TXNDC12: variants seen among roughly 807,000 people sequenced by gnomAD.
TXNDC12 encodes thioredoxin domain-containing protein 12.
A neutral mutation model predicts 24.2 loss-of-function variants in TXNDC12; 22 were observed. The ratio of observed to expected loss-of-function variants is 0.91; its 90% CI spans 0.65 to 1.30. The LOEUF (loss-of-function observed/expected upper bound fraction) is 1.30. TXNDC12 is among the 50% of genes most tolerant of loss of function. TXNDC12 has a pLI of 0.00. For missense variants in TXNDC12, 184 were observed against 205.8 expected (o/e 0.89, Z 0.65); for synonymous variants, 58 against 73.4 (o/e 0.79, Z 1.07).
At chr1:52,051,467 C>T (rs1169916888) in intron 1 of TXNDC12, among the ~76,000 whole-genome samples, 1 of 152,172 alleles carries the variant, frequency 6.6e-6, no homozygotes, top group Non-Finnish European at 1.5e-5. Flanking sequence ...CCTCCGCCTC[C>T]CAGGTTCAAG....
intron 2 of TXNDC12, among the ~76,000 whole-genome samples, chr1:52,039,521 G>A (rs1685947396): frequency 6.6e-6 from 1 of 152,100 alleles, no homozygotes. Flanking sequence ...AGTAGAGACA[G>A]GGTTTCACCA....
intron 1 of TXNDC12, among the ~76,000 whole-genome samples, chr1:52,051,565 G>A (rs1440573449): frequency 6.6e-6 from 1 of 152,128 alleles, no homozygotes; most frequent in African/African-American, 2.4e-5. Flanking sequence ...TTTTAGTAGA[G>A]ATGGGGTTTC....
At chr1:52,031,403 C>G (rs575868300) in intron 2 of TXNDC12, among the ~76,000 whole-genome samples, 16 of 152,144 alleles carry the variant, frequency 1.1e-4, no homozygotes, top group Admixed American at 1.0e-3. Flanking sequence ...TGTGATCCAC[C>G]CGCCTTGGGC....
At chr1:52,034,088 TA>T (rs1198376057) in intron 2 of TXNDC12, 1 of 1,266,806 alleles carries the variant, frequency 7.9e-7, no homozygotes, top group Non-Finnish European at 9.9e-7. Context: ...ATCAGCACTA[TA>T]TTTAGCATAT....
In TXNDC12 at chr1:52,055,155, C is replaced by T; in HGVS notation, c.-59G>A. The T allele has an allele frequency of 2.4e-6, 3 of 1,233,338 alleles. No homozygotes were observed. The highest frequency in any genetic ancestry group is 3.6e-6 in the Non-Finnish European group (3 of 836,688). 76.4% of individuals were successfully genotyped at this position (1,233,338 alleles called of 1,614,324 possible). A position where few individuals can be genotyped will look rare whatever the true frequency, so the allele number is the denominator to read the frequency against. ...GACGCAGGGCCGGAGTCCCAGCAGACGGTCCACACAGTTCGCCGAGCGCCG... is the reference window on the plus strand; with the variant it reads ...GACGCAGGGCCGGAGTCCCAGCAGATGGTCCACACAGTTCGCCGAGCGCCG... On this transcript the variant is annotated 5_prime_UTR_variant, in exon 1 of 7. Transcript: ENST00000371626.
At chr1:52,037,848 GT>G (rs927470252) in intron 2 of TXNDC12, among the ~76,000 whole-genome samples, 3 of 152,000 alleles carry the variant, frequency 2.0e-5, no homozygotes, top group Non-Finnish European at 2.9e-5. Context: ...AAAGTGCTGG[GT>G]TTTTTTGCAC....
intron 1 of TXNDC12, among the ~76,000 whole-genome samples, chr1:52,047,652 C>T (rs2124390987): frequency 6.6e-6 from 1 of 152,216 alleles, no homozygotes; most frequent in South Asian, 2.1e-4. Context: ...CCTGTAGTCC[C>T]AGCTACTCTG....
intron 2 of TXNDC12, chr1:52,032,947 TGCAGAAA>T (rs1241291837): frequency 6.3e-7 from 1 of 1,591,766 alleles, no homozygotes; most frequent in East Asian, 2.2e-5. Flanking sequence ...GTCCAACTGG[TGCAGAAA>T]GCTGCCGGAG....
In TXNDC12 at chr1:52,023,525, G is replaced by A. The variant is rs1685630780; in HGVS notation, c.405C>T (p.Pro135=). 1 of 1,613,914 alleles carries A rather than the reference G, an allele frequency of 6.2e-7. No individual in the cohort carries two copies. The highest frequency in any genetic ancestry group is 8.5e-7 in the Non-Finnish European group (1 of 1,179,942). ...CACTGACATAAAAATACTTGTAGCTGGGGTTTCCATTCTCATTGATGATTT... is the reference window on the plus strand; with the variant it reads ...CACTGACATAAAAATACTTGTAGCTAGGGTTTCCATTCTCATTGATGATTT... ...HPEIINENGN[P]SYKYFYVSAE... is the part of the protein sequence containing the mutation. Residue 135 remains proline, a synonymous_variant, in exon 6 of 7, where the codon CCC becomes CCT. Coordinates refer to ENST00000371626, the MANE Select transcript of TXNDC12 (RefSeq NM_015913.4).
intron 2 of TXNDC12, among the ~76,000 whole-genome samples, chr1:52,031,618 G>A (rs558758116): frequency 6.6e-6 from 1 of 152,138 alleles, no homozygotes; most frequent in African/African-American, 2.4e-5. Context: ...TCAGCCTCCA[G>A]AGTAGCTGGG....
chr1:52,020,251 T>A lies in TXNDC12; in HGVS notation c.*682A>T. The A allele has an allele frequency of 3.2e-6, 1 of 311,794 alleles. No homozygotes were observed. The highest frequency in any genetic ancestry group is 2.1e-5 in the African/African-American group (1 of 46,824). 19.3% of individuals were successfully genotyped at this position (311,794 alleles called of 1,614,324 possible). A position where few individuals can be genotyped will look rare whatever the true frequency, so the allele number is the denominator to read the frequency against. ...ATGGCTACACCTAGGGCTTGAAGGT[T>A]TGAGTTTCTCCAACAGTAACAAGGG... is the stretch of plus-strand genomic sequence containing the variant. On this transcript the variant is annotated 3_prime_UTR_variant, in exon 7 of 7. Transcript: ENST00000371626.
rs879596326 is a variant in TXNDC12, at chr1:52,021,459, A to AGTAACACAGGAG, written c.440-448_440-447insCTCCTGTGTTAC. Among the ~76,000 whole-genome samples the AGTAACACAGGAG allele has an allele frequency of 4.9e-3, 735 of 149,094 alleles. 1 individual carries two copies. Among genetic ancestry groups the AGTAACACAGGAG allele is most frequent in the Non-Finnish European group, 8.1e-3 (544 of 67,426 alleles). On this transcript the variant is annotated intron_variant, in intron 6 of 6. Transcript: ENST00000371626. ...ATTTTACTTCCTGTGGAGGTTACAG[A>AGTAACACAGGAG]TTACACTGAGGGGTGTGTGTGCTGG...
At chr1:52,041,195 T>C (rs6588419) in intron 2 of TXNDC12, among the ~76,000 whole-genome samples, 111,621 of 150,122 alleles carry the variant, frequency 0.74, 44,892 homozygotes, top group Non-Finnish European at 0.88. Flanking sequence ...TAGCCAGGCG[T>C]GGTGGCGGGT....
At chr1:52,042,627 A>AC (rs1392873095) in intron 1 of TXNDC12, among the ~76,000 whole-genome samples, 1 of 146,658 alleles carries the variant, frequency 6.8e-6, no homozygotes, top group Non-Finnish European at 1.5e-5. Context: ...CGACTGGCTA[A>AC]TTTTTTTTTT....
At chr1:52,036,129 C>T (rs1481425717) in intron 2 of TXNDC12, among the ~76,000 whole-genome samples, 2 of 152,004 alleles carry the variant, frequency 1.3e-5, no homozygotes, top group East Asian at 3.8e-4. Flanking sequence ...GGGCACTGAC[C>T]CCTGACACCA....
chr1:52,020,543 G>A lies in TXNDC12; in HGVS notation c.*390C>T, dbSNP rs181587313. ...AAGCTACTTCTGCAATTTTAACGTT[G>A]TAGAAAAGATGCTACTAGTCTCCTT... On this transcript the variant is annotated 3_prime_UTR_variant, in exon 7 of 7. Transcript: ENST00000371626. 4 of 254,346 alleles carry A rather than the reference G, an allele frequency of 1.6e-5. No homozygotes were observed. The highest frequency in any genetic ancestry group is 8.2e-5 in the East Asian group (1 of 12,144). The allele number at this position is 254,346 out of a possible 1,614,324, so 15.8% of individuals were successfully genotyped here.
At chr1:52,034,462 C>CA in intron 2 of TXNDC12, among the ~76,000 whole-genome samples, 1 of 152,324 alleles carries the variant, frequency 6.6e-6, no homozygotes, top group Admixed American at 6.5e-5. Flanking sequence ...AGATAAAATA[C>CA]AGGATGCCCA....
intron 2 of TXNDC12, among the ~76,000 whole-genome samples, chr1:52,039,679 G>C (rs1223194175): frequency 6.6e-6 from 1 of 152,190 alleles, no homozygotes; most frequent in African/African-American, 2.4e-5. Context: ...GAGACGTACT[G>C]CTCACTGAAG....
At chr1:52,038,286 G>A (rs1467774738) in intron 2 of TXNDC12, among the ~76,000 whole-genome samples, 1 of 151,478 alleles carries the variant, frequency 6.6e-6, no homozygotes, top group Non-Finnish European at 1.5e-5. Flanking sequence ...CTGCCTCTTG[G>A]TCAGCATAAG....
Sources: gnomAD v4.1 joint callset for allele counts (sites outside exome capture counted in the v4.1 genomes callset) on GRCh38, gnomAD v4.1.1 for gene constraint, MANE v1.5 for transcripts, NCBI Gene and HGNC (gene_info 2026-07-23, HGNC 2026-07-21) for gene names.